Variants in EVI5 observed in about 807,000 individuals in gnomAD.
The protein encoded by EVI5 is ecotropic viral integration site 5.
Under a neutral mutation model 112.0 loss-of-function variants are expected in EVI5, and 73 were observed. The observed-to-expected ratio is 0.65, with a 90% CI of 0.54 to 0.79. The LOEUF is 0.79. Ranked by LOEUF, EVI5 falls within the 30% of genes least tolerant of loss-of-function variation. The probability of loss-of-function intolerance (pLI) is 0.00; values close to 1 mark genes in which losing one functional copy is unlikely to be tolerated. For synonymous variants in EVI5, 305 were observed against 319.9 expected (o/e 0.95, Z 0.50); for missense variants, 900 against 968.8 (o/e 0.93, Z 0.94).
intron 1 of EVI5, among the ~76,000 whole-genome samples, chr1:92,752,261 G>A (rs760203428): frequency 1.1e-4 from 16 of 151,884 alleles, no homozygotes; most frequent in Admixed American, 2.6e-4. Context: ...TACAGCCTCC[G>A]CCTCTTGGGT....
chr1:92,620,633 A>G (rs973075614), intron 16 of EVI5, among the ~76,000 whole-genome samples: 23 of 152,242 alleles, frequency 1.5e-4, no homozygotes, highest in African/African-American at 5.3e-4. Flanking sequence ...GTGTTAAAAG[A>G]AAAAAACTGT....
intron 19 of EVI5, among the ~76,000 whole-genome samples, 187 bp from the exon 20 acceptor site, chr1:92,514,157 TA>T (rs1659508252): frequency 2.6e-5 from 4 of 152,312 alleles, no homozygotes; most frequent in South Asian, 2.1e-4. Flanking sequence ...ATTTTTATTT[TA>T]TTTTTTTTGA....
At chr1:92,656,023 A>G (rs114319457) in intron 13 of EVI5, among the ~76,000 whole-genome samples, 4,996 of 152,280 alleles carry the variant, frequency 0.033, 139 homozygotes, top group Admixed American at 0.088. Context: ...GAAATCAACA[A>G]AGAAATACTG....
At chr1:92,680,836 C>CA (rs1176739259) in intron 9 of EVI5, among the ~76,000 whole-genome samples, 2 of 152,132 alleles carry the variant, frequency 1.3e-5, no homozygotes, top group Non-Finnish European at 2.9e-5. Context: ...CAGAAAAACT[C>CA]AGACTTTGAG....
At chr1:92,772,767 A>G (rs533746088) in intron 1 of EVI5, among the ~76,000 whole-genome samples, 1 of 152,056 alleles carries the variant, frequency 6.6e-6, no homozygotes, top group Admixed American at 6.6e-5. Context: ...TTAGCTAGGC[A>G]TGGTGTCAGG....
At chr1:92,614,599 G>A (rs1652607635) in intron 16 of EVI5, among the ~76,000 whole-genome samples, 1 of 151,808 alleles carries the variant, frequency 6.6e-6, no homozygotes, top group African/African-American at 2.4e-5. Context: ...AGGAGATACT[G>A]GCCTAGCCTC....
chr1:92,786,512 G>A, upstream of EVI5, among the ~76,000 whole-genome samples: 1 of 152,032 alleles, frequency 6.6e-6, no homozygotes, highest in East Asian at 1.9e-4. Flanking sequence ...AATTCTATTG[G>A]TTTTTCCCTT....
intron 10 of EVI5, among the ~76,000 whole-genome samples, chr1:92,668,335 A>C (rs1665277820): frequency 1.3e-5 from 2 of 152,192 alleles, no homozygotes; most frequent in South Asian, 2.1e-4. Context: ...GGCTCCTCCT[A>C]CTGTGTGCAG....
At chr1:92,595,375 C>T (rs9659774) in intron 18 of EVI5, among the ~76,000 whole-genome samples, 139,035 of 150,964 alleles carry the variant, frequency 0.92, 64,116 homozygotes, top group East Asian at 0.97. Context: ...TGAGAACACA[C>T]GGACACAGGA....
At chr1:92,586,312 G>C (rs1174517613) in intron 18 of EVI5, among the ~76,000 whole-genome samples, 1 of 152,094 alleles carries the variant, frequency 6.6e-6, no homozygotes, top group African/African-American at 2.4e-5. Flanking sequence ...CCCTCCTTGA[G>C]GGTGGAGTAT....
rs188850502 is a variant in EVI5 at position 92,741,872 on chromosome 1, G to A, written c.-81-5245C>T. On this transcript the variant is annotated intron_variant, in intron 1 of 19. Coordinates refer to ENST00000684568, the MANE Select transcript of EVI5 (RefSeq NM_001350197.2). ...AATAGAACTAAAACTATAAAACTTA[G>A]AAGAAAACGTAAGGGAAAAACTTCA... Among the ~76,000 whole-genome samples the A allele has an allele frequency of 3.4e-3, 515 of 152,046 alleles. 3 individuals carry two copies. Among genetic ancestry groups the A allele is most frequent in the Non-Finnish European group, 5.6e-3 (380 of 67,982 alleles).
chr1:92,624,689 C>CA (rs141559165), intron 15 of EVI5, among the ~76,000 whole-genome samples: 1,106 of 51,758 alleles, frequency 0.021, 153 homozygotes, highest in Admixed American at 0.036. Context: ...GTCTCTACTT[C>CA]AAAAAAAAAA....
intron 19 of EVI5, among the ~76,000 whole-genome samples, chr1:92,528,838 AG>A (rs1662370096): frequency 1.3e-5 from 2 of 152,194 alleles, no homozygotes; most frequent in South Asian, 4.1e-4. Flanking sequence ...GTAATGTTCC[AG>A]TTCTTCACCT....
At position 92,610,607 on chromosome 1, in the gene EVI5, A is replaced by C. The variant is rs373785260; in HGVS notation, c.1828-2880T>G. Among the ~76,000 whole-genome samples the C allele has an allele frequency of 5.9e-5, 9 of 152,338 alleles. No homozygotes were observed. The East Asian group carries it at 1.7e-3, about 29-fold the overall frequency. On this transcript the variant is annotated intron_variant, in intron 16 of 19. Coordinates refer to ENST00000684568, the MANE Select transcript of EVI5 (RefSeq NM_001350197.2). Reference sequence around the variant, plus strand: ...AAAGAACAAGTCACTATCAAAAAAAATTAAGCAAATCAGAAAAATAACCAA... The same window carrying C: ...AAAGAACAAGTCACTATCAAAAAAACTTAAGCAAATCAGAAAAATAACCAA...
intron 1 of EVI5, among the ~76,000 whole-genome samples, chr1:92,772,974 G>A (rs1047760731): frequency 5.4e-5 from 8 of 148,588 alleles, no homozygotes; most frequent in East Asian, 4.0e-4. Context: ...TTCAGAGCCC[G>A]AGGTGGGCAG....
At chr1:92,651,778 G>C (rs999244044) in intron 13 of EVI5, among the ~76,000 whole-genome samples, 6 of 144,806 alleles carry the variant, frequency 4.1e-5, no homozygotes, top group Non-Finnish European at 9.0e-5. Flanking sequence ...GTGAACCCGG[G>C]AGGCGGAGCT....
At chr1:92,589,864 C>G (rs1046851391) in intron 18 of EVI5, among the ~76,000 whole-genome samples, 13 of 152,088 alleles carry the variant, frequency 8.5e-5, no homozygotes, top group Admixed American at 8.5e-4. Flanking sequence ...GAGGCACCCC[C>G]CCGTATGGGC....
In EVI5 at chr1:92,628,144, G is replaced by A. The variant is rs570613998; in HGVS notation, c.1528-2210C>T. 3.3e-5 allele frequency among the ~76,000 whole-genome samples: 5 copies of A among 152,260 alleles called. No homozygotes were observed. The South Asian group carries it at 1.0e-3, about 32-fold the overall frequency. Reference sequence around the variant, plus strand: ...ATTTGTATATCTTCTTTTGAGAATTGTCTATTCATGTCCTTAGCCCACTTT... The same window carrying A: ...ATTTGTATATCTTCTTTTGAGAATTATCTATTCATGTCCTTAGCCCACTTT... On this transcript the variant is annotated intron_variant, in intron 14 of 19. Transcript: ENST00000684568.
intron 6 of EVI5, 26 bp from the exon 7 acceptor site, chr1:92,695,479 T>C (rs202216668): frequency 2.0e-6 from 3 of 1,496,072 alleles, no homozygotes; most frequent in Admixed American, 2.0e-5. Flanking sequence ...TAATTAGTTA[T>C]AACACAGTAA....
Sources: gnomAD v4.1 joint callset for allele counts (sites outside exome capture counted in the v4.1 genomes callset) on GRCh38, gnomAD v4.1.1 for gene constraint, MANE v1.5 for transcripts, NCBI Gene and HGNC (gene_info 2026-07-23, HGNC 2026-07-21) for gene names.